The following SDK1 variants were observed in gnomAD, a reference collection of about 807,000 sequenced individuals.
SDK1 encodes protein sidekick-1.
SDK1 carries 157 observed loss-of-function variants against 245.5 expected under a neutral mutation model. The observed-to-expected ratio is 0.64, with a 90% CI of 0.56 to 0.73. SDK1 has a LOEUF of 0.73. SDK1 is among the 30% of genes least tolerant of loss of function. SDK1 has a pLI of 0.00. For synonymous variants in SDK1, 1,647 were observed against 1,278.5 expected (o/e 1.29, Z -6.15); for missense variants, 3,583 against 3,002.3 (o/e 1.19, Z -4.52).
At chr7:3,382,893 T>G (rs1025870041) in intron 1 of SDK1, among the ~76,000 whole-genome samples, 1 of 152,200 alleles carries the variant, frequency 6.6e-6, no homozygotes, top group Admixed American at 6.5e-5. Context: ...GTATATTTGT[T>G]GACTTGTGAT....
chr7:4,030,358 C>G (rs1376305091), intron 17 of SDK1, among the ~76,000 whole-genome samples: 1 of 152,210 alleles, frequency 6.6e-6, no homozygotes, highest in African/African-American at 2.4e-5. Flanking sequence ...AGAAGTTGCT[C>G]AAAGAAAGAT....
At chr7:3,993,068 A>G (rs1468460417) in intron 14 of SDK1, among the ~76,000 whole-genome samples, 1 of 152,246 alleles carries the variant, frequency 6.6e-6, no homozygotes, top group Non-Finnish European at 1.5e-5. Flanking sequence ...AATCTTTGAT[A>G]CATGTTGATT....
At chr7:3,828,672 TTGA>T (rs1779839729) in intron 5 of SDK1, among the ~76,000 whole-genome samples, 1 of 144,698 alleles carries the variant, frequency 6.9e-6, no homozygotes. Context: ...TTTTGTTTTT[TTGA>T]CACAAGGACT....
intron 35 of SDK1, among the ~76,000 whole-genome samples, chr7:4,182,079 C>T (rs1390551304): frequency 2.0e-5 from 3 of 152,190 alleles, no homozygotes; most frequent in Non-Finnish European, 4.4e-5. Flanking sequence ...GCCACCACGC[C>T]CAGCTAATTT....
chr7:3,367,992 G>C (rs757359446), intron 1 of SDK1, among the ~76,000 whole-genome samples: 42 of 152,182 alleles, frequency 2.8e-4, no homozygotes, highest in Non-Finnish European at 5.9e-4. Flanking sequence ...GAACATTGCA[G>C]AAAGACTGTG....
intron 42 of SDK1, among the ~76,000 whole-genome samples, chr7:4,238,444 A>T (rs1786320230): frequency 6.6e-6 from 1 of 152,026 alleles, no homozygotes; most frequent in African/African-American, 2.4e-5. Flanking sequence ...TATGCCTGTA[A>T]TCCTAGTGAT....
At chr7:3,692,765 T>C (rs962874083) in intron 4 of SDK1, among the ~76,000 whole-genome samples, 7 of 152,132 alleles carry the variant, frequency 4.6e-5, no homozygotes, top group Non-Finnish European at 8.8e-5. Flanking sequence ...TAATATACAA[T>C]ATGAAACATT....
chr7:4,016,610 AG>A (rs1304272568), intron 16 of SDK1, among the ~76,000 whole-genome samples: 1 of 152,222 alleles, frequency 6.6e-6, no homozygotes, highest in Non-Finnish European at 1.5e-5. Context: ...GCACTCACAG[AG>A]GTCTTCTACA....
intron 1 of SDK1, among the ~76,000 whole-genome samples, chr7:3,323,237 A>G (rs1005224594): frequency 6.6e-6 from 1 of 152,204 alleles, no homozygotes; most frequent in Non-Finnish European, 1.5e-5. Flanking sequence ...GTGAACTTCA[A>G]AAGACGTTAT....
chr7:3,971,462 T>G lies in SDK1; in HGVS notation c.1715-4T>G. On this transcript the variant is annotated splice_region_variant and splice_polypyrimidine_tract_variant and intron_variant, in intron 11 of 44. Coordinates refer to ENST00000404826, the MANE Select transcript of SDK1 (RefSeq NM_152744.4). ...GTCTGACTCGTGACTTGTGTTTTTTTCAGATCGGACGTCCATCGTCCACCC... is the reference window on the plus strand; with the variant it reads ...GTCTGACTCGTGACTTGTGTTTTTTGCAGATCGGACGTCCATCGTCCACCC... 6.2e-7 allele frequency: 1 copy of G among 1,607,034 alleles called. No homozygotes were observed. Among genetic ancestry groups the G allele is most frequent in the Non-Finnish European group, 8.5e-7 (1 of 1,174,588 alleles).
chr7:3,875,453 A>G (rs1228103742), intron 5 of SDK1, among the ~76,000 whole-genome samples: 2 of 152,122 alleles, frequency 1.3e-5, no homozygotes, highest in East Asian at 3.9e-4. Context: ...CACAAATTAA[A>G]CTGTTTAGTC....
intron 1 of SDK1, among the ~76,000 whole-genome samples, chr7:3,469,627 C>T (rs1781121296): frequency 6.6e-6 from 1 of 152,122 alleles, no homozygotes; most frequent in Admixed American, 6.5e-5. Flanking sequence ...TTTCCTTATC[C>T]AATGACCTTT....
At chr7:3,894,174 C>T (rs1225263121) in intron 5 of SDK1, among the ~76,000 whole-genome samples, 3 of 152,204 alleles carry the variant, frequency 2.0e-5, no homozygotes, top group Non-Finnish European at 2.9e-5. Flanking sequence ...CATAAATAAT[C>T]TTCAGAACAT....
At chr7:3,484,824 G>A (rs891699829) in intron 1 of SDK1, among the ~76,000 whole-genome samples, 1 of 152,172 alleles carries the variant, frequency 6.6e-6, no homozygotes, top group Non-Finnish European at 1.5e-5. Flanking sequence ...TGCTGCAAAT[G>A]ACAGCATTTC....
intron 38 of SDK1, among the ~76,000 whole-genome samples, chr7:4,216,288 G>A (rs74449687): frequency 0.079 from 12,091 of 152,216 alleles, 490 homozygotes; most frequent in Middle Eastern, 0.13. Context: ...CGTGCACCCC[G>A]TGGAGGTTAC....
intron 17 of SDK1, among the ~76,000 whole-genome samples, chr7:4,041,536 T>C (rs1788636752): frequency 6.6e-6 from 1 of 152,096 alleles, no homozygotes; most frequent in Non-Finnish European, 1.5e-5. Flanking sequence ...TATGGTGACA[T>C]GTATCCCCCG....
At chr7:4,137,618 G>A (rs913284131) in intron 28 of SDK1, among the ~76,000 whole-genome samples, 6 of 152,126 alleles carry the variant, frequency 3.9e-5, no homozygotes, top group East Asian at 1.9e-4. Flanking sequence ...AATGTGTCTC[G>A]TACTTGGCCT....
intron 22 of SDK1, among the ~76,000 whole-genome samples, chr7:4,106,486 C>T (rs867655661): frequency 2.6e-5 from 4 of 151,944 alleles, no homozygotes; most frequent in Non-Finnish European, 2.9e-5. Context: ...TTAGGAAAGA[C>T]AGGGTTTCAC....
At chr7:3,756,788 G>C (rs1161384225) in intron 4 of SDK1, among the ~76,000 whole-genome samples, 1 of 152,074 alleles carries the variant, frequency 6.6e-6, no homozygotes, top group Non-Finnish European at 1.5e-5. Context: ...GGGTGTATCT[G>C]TTGTTTCCTC....
Sources: allele counts gnomAD v4.1 joint callset (sites outside exome capture counted in the v4.1 genomes callset), GRCh38; gene constraint gnomAD v4.1.1; transcripts MANE v1.5; gene names NCBI Gene and HGNC (gene_info 2026-07-23, HGNC 2026-07-21).